BAZ2B: variants seen among roughly 807,000 people sequenced by gnomAD.
BAZ2B encodes bromodomain adjacent to zinc finger domain 2B.
In BAZ2B, 91 loss-of-function variants were observed where a neutral mutation model predicts 246.0. The ratio of observed to expected loss-of-function variants is 0.37; its 90% confidence interval spans 0.31 to 0.44. The LOEUF is 0.44. Ranked by LOEUF, BAZ2B falls within the 20% of genes least tolerant of loss-of-function variation. The probability of loss-of-function intolerance (pLI) is 1.00; values close to 1 mark genes in which losing one functional copy is unlikely to be tolerated. For synonymous variants in BAZ2B, 855 were observed against 860.0 expected (o/e 0.99, Z 0.10); for missense variants, 2,332 against 2,533.7 (o/e 0.92, Z 1.71).
At chr2:159,661,089 C>G in the BAZ2B span, among the ~76,000 whole-genome samples, 1 of 152,158 alleles carries the variant, frequency 6.6e-6, no homozygotes, top group East Asian at 1.9e-4. Flanking sequence ...CTCTTTCCCT[C>G]CCTACTCCCC....
intron 2 of BAZ2B, among the ~76,000 whole-genome samples, chr2:159,501,811 T>C (rs2151112840): frequency 6.6e-6 from 1 of 152,290 alleles, no homozygotes; most frequent in South Asian, 2.1e-4. Context: ...TAGGTAGAAT[T>C]CTACTCCTAT....
At chr2:159,690,638 G>A in the BAZ2B span, among the ~76,000 whole-genome samples, 3 of 152,006 alleles carry the variant, frequency 2.0e-5, no homozygotes, top group African/African-American at 7.3e-5. Context: ...TATCTTTTCA[G>A]TAAAAACACC....
At chr2:159,619,611 T>G (rs542291723), upstream of BAZ2B, among the ~76,000 whole-genome samples, 5 of 151,460 alleles carry the variant, frequency 3.3e-5, no homozygotes, top group South Asian at 1.0e-3. Flanking sequence ...GTAATTCAGA[T>G]ATACAAATTA....
At chr2:159,387,172 A>G (rs960531839) in intron 21 of BAZ2B, among the ~76,000 whole-genome samples, 3 of 152,158 alleles carry the variant, frequency 2.0e-5, no homozygotes, top group African/African-American at 4.8e-5. Context: ...CCACATAACT[A>G]GAATCCATGA....
chr2:159,498,775 TCATC>T (rs1386481819), intron 2 of BAZ2B, among the ~76,000 whole-genome samples: 8 of 152,312 alleles, frequency 5.3e-5, no homozygotes, highest in African/African-American at 1.9e-4. Flanking sequence ...CAATTATGCT[TCATC>T]CATTTCCCTC....
At chr2:159,536,562 C>A (rs889175917) in intron 2 of BAZ2B, among the ~76,000 whole-genome samples, 1 of 152,102 alleles carries the variant, frequency 6.6e-6, no homozygotes, top group Admixed American at 6.6e-5. Flanking sequence ...GAGATAGCTA[C>A]CACGATGGTT....
chr2:159,528,010 C>T (rs530813251), intron 2 of BAZ2B, among the ~76,000 whole-genome samples: 139 of 152,226 alleles, frequency 9.1e-4, no homozygotes, highest in African/African-American at 3.0e-3. Context: ...AATCATTTAA[C>T]ATTTGGAGAC....
chr2:159,668,862 G>A, the BAZ2B span, among the ~76,000 whole-genome samples: 4 of 152,094 alleles, frequency 2.6e-5, no homozygotes, highest in Non-Finnish European at 5.9e-5. Context: ...TTTGAGACCA[G>A]CCTGGGCAAC....
intron 14 of BAZ2B, among the ~76,000 whole-genome samples, chr2:159,405,476 G>T (rs1312438537): frequency 6.6e-6 from 1 of 152,102 alleles, no homozygotes; most frequent in Non-Finnish European, 1.5e-5. Context: ...CTCCCAAAGT[G>T]CTGGGATTAC....
At chr2:159,614,517 C>T (rs1302279629) in intron 1 of BAZ2B, among the ~76,000 whole-genome samples, 2 of 151,714 alleles carry the variant, frequency 1.3e-5, no homozygotes, top group Admixed American at 6.6e-5. Flanking sequence ...TCTAAAATAA[C>T]CATACATAAA....
chr2:159,355,340 G>A (rs2058987831), intron 27 of BAZ2B, among the ~76,000 whole-genome samples: 1 of 152,162 alleles, frequency 6.6e-6, no homozygotes, highest in South Asian at 2.1e-4. Context: ...CTTGAAGATA[G>A]TGGAAGGAAG....
the BAZ2B span, among the ~76,000 whole-genome samples, chr2:159,654,837 A>G: frequency 6.6e-6 from 1 of 152,122 alleles, no homozygotes; most frequent in Non-Finnish European, 1.5e-5. Flanking sequence ...ATGGTGATGC[A>G]TGCCTGTAAC....
At chr2:159,631,229 A>G in the BAZ2B span, among the ~76,000 whole-genome samples, 2 of 152,312 alleles carry the variant, frequency 1.3e-5, no homozygotes, top group South Asian at 4.1e-4. Context: ...AAAGAAAAAA[A>G]TGAATATGTT....
chr2:159,646,201 A>G, the BAZ2B span, among the ~76,000 whole-genome samples: 1 of 152,158 alleles, frequency 6.6e-6, no homozygotes, highest in Non-Finnish European at 1.5e-5. Flanking sequence ...TCTCTTTCTC[A>G]GGGATGTTCC....
intron 3 of BAZ2B, chr2:159,461,024 A>T (rs12623505): frequency 0.24 from 37,252 of 152,510 alleles, 4,888 homozygotes; most frequent in East Asian, 0.42. Flanking sequence ...TAATACAAAT[A>T]TATTTTATTT....
chr2:159,666,763 G>A, the BAZ2B span, among the ~76,000 whole-genome samples: 1 of 152,116 alleles, frequency 6.6e-6, no homozygotes, highest in Non-Finnish European at 1.5e-5. Flanking sequence ...GCAGAGGCAG[G>A]AGAATTGCTT....
intron 2 of BAZ2B, among the ~76,000 whole-genome samples, chr2:159,533,922 C>CAAA (rs2085642316): frequency 6.6e-6 from 1 of 152,178 alleles, no homozygotes; most frequent in Non-Finnish European, 1.5e-5. Flanking sequence ...AAAATCATTA[C>CAAA]TTAACATTTC....
the BAZ2B span, among the ~76,000 whole-genome samples, chr2:159,634,823 A>G: frequency 6.6e-6 from 1 of 152,242 alleles, no homozygotes. Context: ...AAGATAGTCA[A>G]TGACTTTAAA....
rs114268159 is a variant in BAZ2B, at chr2:159,577,244, A to T, written c.-45-21379T>A. 7.9e-3 allele frequency among the ~76,000 whole-genome samples: 1,204 copies of T among 152,228 alleles called. 21 individuals carry two copies. The highest frequency in any genetic ancestry group is 0.027 in the African/African-American group (1,129 of 41,528). On this transcript the variant is annotated intron_variant, in intron 1 of 36. Transcript: ENST00000392783. ...TCCTATCTCTAAAACAAATTTACTT[A>T]AAAAATAACATGTTCCAAAACATAT...
Sources: gnomAD v4.1 joint callset for allele counts (sites outside exome capture counted in the v4.1 genomes callset) on GRCh38, gnomAD v4.1.1 for gene constraint, MANE v1.5 for transcripts, NCBI Gene and HGNC (gene_info 2026-07-23, HGNC 2026-07-21) for gene names.